Variants in ASPM observed in about 807,000 individuals in gnomAD.
ASPM encodes the protein abnormal spindle-like microcephaly-associated protein.
ASPM carries 256 observed loss-of-function variants against 366.4 expected under a neutral mutation model. That is an observed-to-expected ratio of 0.70 (90% CI 0.63 to 0.77). The LOEUF (loss-of-function observed/expected upper bound fraction) is 0.77. ASPM is among the 30% of genes least tolerant of loss of function. The pLI is 0.00. For missense variants in ASPM, 4,146 were observed against 4,090.4 expected, an observed-to-expected ratio of 1.01 and a Z score of -0.37; for synonymous variants, 1,414 against 1,342.9, an observed-to-expected ratio of 1.05 and a Z score of -1.16.
Position 197,102,774 on chromosome 1 carries a change from C to T in ASPM, c.6477G>A (p.Gln2159=). Residue 2159 remains glutamine (Q), a synonymous_variant, in exon 18 of 28, where the codon CAG becomes CAA. Transcript: ENST00000367409. ...TCAAAATTGTCAGGTACTTTTCACG[C>T]TGCATTTTACCTTGATAATATGCTC... The part of the protein sequence containing the change: ...RCRAYYQGKM[Q]REKYLTILKA... 6.2e-7 allele frequency: 1 copy of T among 1,612,474 alleles called. No individual in the cohort carries two copies. Among genetic ancestry groups the T allele is most frequent in the Non-Finnish European group, 8.5e-7 (1 of 1,179,190 alleles).
chr1:197,100,808 T>G lies in ASPM; in HGVS notation c.8443A>C (p.Ser2815Arg), dbSNP rs1657139269. The G allele has an allele frequency of 3.1e-6, 5 of 1,612,466 alleles. No individual in the cohort carries two copies. Among genetic ancestry groups the G allele is most frequent in the Admixed American group, 3.3e-5 (2 of 59,782 alleles). Residue 2815 changes from serine to arginine, a missense_variant, in exon 18 of 28, where the codon AGT (serine) becomes CGT (arginine). Around this residue, in one of 3 missense-constraint regions of ASPM, gnomAD observed 3,624 missense variants for 3,591.7 expected, o/e 1.01. Transcript: ENST00000367409. ...TTTTGAATTGTTACTGCAGCCCTAC[T>G]TTGAGAATGATACTCTGCTTCCTGT... is the stretch of plus-strand genomic sequence containing the variant. The part of the protein sequence containing the change: ...CSQEAEYHSQ[S>R]RAAVTIQKAF...
intron 23 of ASPM, 150 bp from the exon 24 acceptor site, chr1:197,090,538 CA>C (rs1042349138): frequency 9.2e-6 from 7 of 758,390 alleles, no homozygotes; most frequent in Non-Finnish European, 1.4e-5. Flanking sequence ...AAATAAATAG[CA>C]AAATCAACTT....
At chr1:197,134,455 A>G (rs1173185414) in intron 5 of ASPM, among the ~76,000 whole-genome samples, 2 of 152,126 alleles carry the variant, frequency 1.3e-5, no homozygotes, top group African/African-American at 4.8e-5. Context: ...CGCTTCTCTG[A>G]CAAAAATAAA....
In ASPM at chr1:197,102,533, TCA is replaced by T. The variant is rs1557946303; in HGVS notation, c.6716_6717del (p.Leu2239GlnfsTer12). The T allele has an allele frequency of 3.7e-6, 6 of 1,612,634 alleles. No homozygotes were observed. Among genetic ancestry groups the T allele is most frequent in the African/African-American group, 1.3e-5 (1 of 74,922 alleles). ...GCCTGAATGTATATTACAGAATGCC[TCA>T]GTTTGTTATACCTTTGAAATTGTAT... is the stretch of plus-strand genomic sequence containing the variant. ...RNIQFQRYNK[L>X]RHSVIYIQAI... On this transcript the variant is annotated frameshift_variant, in exon 18 of 28. Coordinates refer to ENST00000367409, the MANE Select transcript of ASPM (RefSeq NM_018136.5). LOFTEE classifies it high-confidence loss of function.
intron 16 of ASPM, among the ~76,000 whole-genome samples, chr1:197,119,077 A>T (rs1225175499): frequency 6.6e-6 from 1 of 152,184 alleles, no homozygotes; most frequent in African/African-American, 2.4e-5. Flanking sequence ...TAGGGGAAAC[A>T]ACTATGGAAA....
intron 25 of ASPM, 127 bp from the exon 26 acceptor site, chr1:197,088,559 G>A (rs1656672628): frequency 5.6e-6 from 4 of 711,620 alleles, no homozygotes; most frequent in Middle Eastern, 8.0e-4. Context: ...CCTGCAGCAA[G>A]TGCAAAGGAC....
intron 18 of ASPM, among the ~76,000 whole-genome samples, chr1:197,099,020 A>T (rs1657071281): frequency 6.6e-6 from 1 of 151,582 alleles, no homozygotes; most frequent in African/African-American, 2.4e-5. Flanking sequence ...GGTGTGAGGG[A>T]GTAACTCTGC....
In ASPM at chr1:197,133,510, G is replaced by A. The variant is rs768503010; in HGVS notation, c.2259C>T (p.Leu753=). 6.2e-7 allele frequency: 1 copy of A among 1,614,086 alleles called. No individual in the cohort carries two copies. The highest frequency in any genetic ancestry group is 1.1e-5 in the South Asian group (1 of 91,074). ...PRAPTKEEMS[L]RAYTARCRLN... Reference sequence around the variant, plus strand: ...ACCTACACCGAGCAGTATAAGCTCTGAGAGACATTTCCTCTTTTGTAGGTG... The same window carrying A: ...ACCTACACCGAGCAGTATAAGCTCTAAGAGACATTTCCTCTTTTGTAGGTG... Residue 753 remains leucine (L), a synonymous_variant, in exon 6 of 28, where the codon CTC becomes CTT. Coordinates refer to ENST00000367409, the MANE Select transcript of ASPM (RefSeq NM_018136.5).
Position 197,129,167 on chromosome 1 carries a change from G to A in ASPM, c.2760+20C>T, listed in dbSNP as rs777474777. 6.2e-7 allele frequency: 1 copy of A among 1,606,760 alleles called. No individual in the cohort carries two copies. The highest frequency in any genetic ancestry group is 1.3e-5 in the African/African-American group (1 of 74,752). On this transcript the variant is annotated intron_variant, in intron 9 of 27. Coordinates refer to ENST00000367409, the MANE Select transcript of ASPM (RefSeq NM_018136.5). Reference sequence around the variant, plus strand: ...GTAAATGGGAAATATAAAATATAAAGCATACAATGAAAAGCATACCTTGAA... The same window carrying A: ...GTAAATGGGAAATATAAAATATAAAACATACAATGAAAAGCATACCTTGAA...
At position 197,142,300 on chromosome 1, in the gene ASPM, T is replaced by C. The variant is rs1291732020; in HGVS notation, c.1921+31A>G. The C allele has an allele frequency of 2.5e-6, 4 of 1,605,052 alleles. No homozygotes were observed. The Admixed American group carries it at 6.7e-5, about 27-fold the overall frequency. ...AAAGGAAGTATCCCCTTTACAGGTA[T>C]ACTTCAGTAGATTTTATAAACAAGA... On this transcript the variant is annotated intron_variant, in intron 3 of 27. Transcript: ENST00000367409.
At position 197,135,266 on chromosome 1, in the gene ASPM, C is replaced by T. The variant is rs146336165; in HGVS notation, c.2027-24G>A. 1.9e-4 allele frequency: 312 copies of T among 1,612,562 alleles called. 1 individual carries two copies. In the African/African-American group the frequency reaches 3.2e-3, roughly 16 times the overall value. On this transcript the variant is annotated intron_variant, in intron 4 of 27. Transcript: ENST00000367409. Reference sequence around the variant, plus strand: ...ATCTAAGAATACAATTAGGTTACTGCATAACAAAATTTCCTTTAACTTATT... The same window carrying T: ...ATCTAAGAATACAATTAGGTTACTGTATAACAAAATTTCCTTTAACTTATT...
In ASPM at chr1:197,133,546, AC is replaced by A; in HGVS notation, c.2222del (p.Ser741MetfsTer22). On this transcript the variant is annotated frameshift_variant, in exon 6 of 28. Coordinates refer to ENST00000367409, the MANE Select transcript of ASPM (RefSeq NM_018136.5). LOFTEE classifies it high-confidence loss of function. ...CCTCTTTTGTAGGTGCTCTAGGAAC[AC>A]TTATTTTATGTTGATTCTCTATTCC... ...LLGIENQHKI[S>X]VPRAPTKEEM... 1 of 1,613,658 alleles carries A rather than the reference AC, an allele frequency of 6.2e-7. No individual in the cohort carries two copies. Among genetic ancestry groups the A allele is most frequent in the Non-Finnish European group, 8.5e-7 (1 of 1,179,640 alleles).
At chr1:197,095,108 T>C (rs1163362648) in intron 19 of ASPM, among the ~76,000 whole-genome samples, 5 of 151,830 alleles carry the variant, frequency 3.3e-5, no homozygotes, top group Non-Finnish European at 7.4e-5. Flanking sequence ...CTTCTAATTC[T>C]ATTCCTCTAG....
chr1:197,105,270 T>C (rs1657376851), intron 17 of ASPM, 85 bp from the exon 18 acceptor site: 1 of 1,055,766 alleles, frequency 9.5e-7, no homozygotes, highest in Middle Eastern at 2.5e-4. Flanking sequence ...TTTTCTAACA[T>C]TCTGCTTAAA....
At chr1:197,131,627 C>T (rs769823178) in intron 7 of ASPM, among the ~76,000 whole-genome samples, 14 of 150,456 alleles carry the variant, frequency 9.3e-5, no homozygotes, top group East Asian at 2.0e-4. Context: ...CGTGCGATCT[C>T]GGCTAACTGC....
Position 197,124,922 on chromosome 1 carries a change from C to T in ASPM, c.3116G>A (p.Arg1039Lys). ...CAACCTGAGAGTTTTTTCTCTGTGC[C>T]TATCCACAATATCCTTAGATAGAAT... ...NTILSKDIVD[R>K]HREKTLRLLW... Residue 1039 changes from arginine (R) to lysine (K), a missense_variant, in exon 12 of 28, where the codon AGG becomes AAG. Coordinates refer to ENST00000367409, the MANE Select transcript of ASPM (RefSeq NM_018136.5). The T allele has an allele frequency of 5.0e-6, 8 of 1,612,332 alleles. No homozygotes were observed. Among genetic ancestry groups the T allele is most frequent in the Non-Finnish European group, 6.8e-6 (8 of 1,178,586 alleles).
Position 197,102,832 on chromosome 1 carries a change from C to G in ASPM, c.6419G>C (p.Arg2140Thr). 6.2e-7 allele frequency: 1 copy of G among 1,612,450 alleles called. No individual in the cohort carries two copies. The highest frequency in any genetic ancestry group is 1.3e-5 in the African/African-American group (1 of 74,910). The change falls in exon 18 of 28, where the codon AGA (arginine) becomes ACA (threonine). Residue 2140 changes from arginine to threonine, a missense_variant. Coordinates refer to ENST00000367409, the MANE Select transcript of ASPM (RefSeq NM_018136.5). Reference protein sequence around the residue: ...HQSRISYHTMRKAAIVIQVRC... With the variant: ...HQSRISYHTMTKAAIVIQVRC... ...TACTTGAATAACAATAGCTGCTTTT[C>G]TCATTGTATGGTAACTTATTCTTGA...
In ASPM at chr1:197,105,093, A is replaced by T; in HGVS notation, c.4158T>A (p.Ala1386=). The T allele has an allele frequency of 6.2e-7, 1 of 1,609,650 alleles. No individual in the cohort carries two copies. The highest frequency in any genetic ancestry group is 8.5e-7 in the Non-Finnish European group (1 of 1,176,760). ...ILQSRIRMII[A]VTSYKRYLWA... ...AAAGATATCGTTTATAAGATGTAAC[A>T]GCAATTATCATTCTTATCCTAGATT... is the stretch of plus-strand genomic sequence containing the variant. Residue 1386 remains alanine (A), a synonymous_variant, in exon 18 of 28, where the codon GCT becomes GCA. Coordinates refer to ENST00000367409, the MANE Select transcript of ASPM (RefSeq NM_018136.5).
intron 26 of ASPM, among the ~76,000 whole-genome samples, chr1:197,087,315 A>G (rs1656625669): frequency 6.6e-6 from 1 of 152,080 alleles, no homozygotes; most frequent in South Asian, 2.1e-4. Flanking sequence ...TGACCTCGTG[A>G]TCTGCCTACC....
Sources: gnomAD v4.1 joint callset for allele counts (sites outside exome capture counted in the v4.1 genomes callset) on GRCh38, gnomAD v4.1.1 for gene constraint, gnomAD v4.1.1 regional missense constraint, MANE v1.5 for transcripts, NCBI Gene and HGNC (gene_info 2026-07-23, HGNC 2026-07-21) for gene names.